The following MCHR2 variants were observed in gnomAD, a reference collection of about 807,000 sequenced individuals.
The protein encoded by MCHR2 is melanin concentrating hormone receptor 2.
In MCHR2, 15 loss-of-function variants were observed where a neutral mutation model predicts 24.8. The ratio of observed to expected loss-of-function variants is 0.60; its 90% CI spans 0.40 to 0.93. MCHR2 has a LOEUF of 0.93. Among genes scored for constraint, MCHR2 ranks in the 40% least tolerant of loss-of-function variants. The pLI is 0.00. For synonymous variants in MCHR2, 151 were observed against 147.6 expected (o/e 1.02, Z -0.17); for missense variants, 386 against 408.7 (o/e 0.94, Z 0.48).
intron 1 of MCHR2, among the ~76,000 whole-genome samples, chr6:99,959,176 A>G (rs1258893020): frequency 6.6e-6 from 1 of 152,140 alleles, no homozygotes; most frequent in African/African-American, 2.4e-5. Context: ...CTGGGAACAA[A>G]AAGAGTCAGA....
At chr6:99,929,428 G>T (rs1774451469) in intron 5 of MCHR2, among the ~76,000 whole-genome samples, 2 of 152,148 alleles carry the variant, frequency 1.3e-5, no homozygotes, top group Non-Finnish European at 1.5e-5. Flanking sequence ...GTCTAATGTT[G>T]ACAGTAGGGT....
At chr6:99,944,281 A>C (rs1187832687) in intron 3 of MCHR2, among the ~76,000 whole-genome samples, 1 of 152,192 alleles carries the variant, frequency 6.6e-6, no homozygotes, top group East Asian at 1.9e-4. Flanking sequence ...TCAGAGCAAA[A>C]TGAAAGCTGA....
rs149229904 is a variant in MCHR2 at position 99,939,447 on chromosome 6, G to T, written c.587+3502C>A. Among the ~76,000 whole-genome samples the T allele has an allele frequency of 4.4e-3, 670 of 151,934 alleles. 9 individuals carry two copies. Among genetic ancestry groups the T allele is most frequent in the African/African-American group, 0.015 (643 of 41,488 alleles). ...TTATCTTACATCAAAGAAAAAAGTG[G>T]AAAAAAATCTACATTTTAACTCCAT... is the stretch of plus-strand genomic sequence containing the variant. On this transcript the variant is annotated intron_variant, in intron 4 of 5. Coordinates refer to ENST00000281806, the MANE Select transcript of MCHR2 (RefSeq NM_001040179.2).
chr6:99,957,449 T>G (rs1775087169), intron 1 of MCHR2, among the ~76,000 whole-genome samples: 1 of 152,162 alleles, frequency 6.6e-6, no homozygotes, highest in South Asian at 2.1e-4. Flanking sequence ...TCATGTTACT[T>G]TGATAATTGA....
At chr6:99,925,242 A>G (rs1012760917) in intron 5 of MCHR2, among the ~76,000 whole-genome samples, 1 of 151,416 alleles carries the variant, frequency 6.6e-6, no homozygotes, top group African/African-American at 2.4e-5. Flanking sequence ...TTCCATTGGT[A>G]TGGTGTATGT....
In MCHR2 at chr6:99,963,142, A is replaced by G. The variant is rs549287440; in HGVS notation, c.-27-6968T>C. Among the ~76,000 whole-genome samples, 12 of 152,196 alleles carry G rather than the reference A, an allele frequency of 7.9e-5. No homozygotes were observed. In the South Asian group the frequency reaches 2.3e-3, roughly 29 times the overall value. ...AGTGGCAAAACAAAAAACCCAGAAA[A>G]CAAGTATTGAGGATGTGGAAAAGTT... On this transcript the variant is annotated intron_variant, in intron 1 of 5. Coordinates refer to ENST00000281806, the MANE Select transcript of MCHR2 (RefSeq NM_001040179.2).
At chr6:99,966,625 T>G (rs188493123) in intron 1 of MCHR2, among the ~76,000 whole-genome samples, 1 of 152,330 alleles carries the variant, frequency 6.6e-6, no homozygotes, top group African/African-American at 2.4e-5. Flanking sequence ...TACCATATTC[T>G]TATCTTTGTG....
intron 1 of MCHR2, among the ~76,000 whole-genome samples, chr6:99,972,945 G>A (rs986419536): frequency 1.3e-5 from 2 of 152,066 alleles, no homozygotes; most frequent in African/African-American, 2.4e-5. Context: ...TATAATTTCT[G>A]TTCTTTTACA....
At chr6:99,940,054 C>G (rs1158222618) in intron 4 of MCHR2, among the ~76,000 whole-genome samples, 2 of 151,400 alleles carry the variant, frequency 1.3e-5, no homozygotes, top group African/African-American at 4.9e-5. Flanking sequence ...TATTATATGC[C>G]TTGGGGTACA....
Position 99,920,917 on chromosome 6 carries a change from C to G in MCHR2, c.*23G>C, listed in dbSNP as rs1490041606. The G allele has an allele frequency of 2.5e-6, 4 of 1,604,964 alleles. No individual in the cohort carries two copies. In the Admixed American group the frequency reaches 5.0e-5, roughly 20 times the overall value. On this transcript the variant is annotated 3_prime_UTR_variant, in exon 6 of 6. Transcript: ENST00000281806. ...AGTAAGATAGACAATCATGTCTAGA[C>G]TCATGGTGATCCATGTACTTTCCTA...
At chr6:99,974,039 T>C (rs1483716321) in intron 1 of MCHR2, among the ~76,000 whole-genome samples, 1 of 152,212 alleles carries the variant, frequency 6.6e-6, no homozygotes, top group African/African-American at 2.4e-5. Flanking sequence ...TTATGTGTCT[T>C]GGAGTTGCTC....
intron 2 of MCHR2, 37 bp from the exon 3 acceptor site, chr6:99,948,008 A>G (rs1774904546): frequency 6.4e-7 from 1 of 1,562,902 alleles, no homozygotes; most frequent in Admixed American, 1.7e-5. Context: ...TTGACATTGA[A>G]TGTATACAGA....
intron 1 of MCHR2, among the ~76,000 whole-genome samples, chr6:99,991,133 G>A (rs2001456): frequency 0.21 from 31,991 of 151,612 alleles, 3,737 homozygotes; most frequent in South Asian, 0.42. Context: ...GAGAAGGTGC[G>A]GGCATGGAGA....
At position 99,919,177 on chromosome 6, in the gene MCHR2, T is replaced by G. The variant is rs908783456; in HGVS notation, c.*1763A>C. Among the ~76,000 whole-genome samples the G allele has an allele frequency of 6.6e-6, 1 of 151,744 alleles. No individual in the cohort carries two copies. Among genetic ancestry groups the G allele is most frequent in the African/African-American group, 2.4e-5 (1 of 41,444 alleles). The stretch of plus-strand genomic sequence containing the variant: ...GAGCATCCAGCTGCATATGTAGGTC[T>G]CTAGACCTCAGCTATGGAAATAAAA... On this transcript the variant is annotated 3_prime_UTR_variant, in exon 6 of 6. Transcript: ENST00000281806.
At chr6:99,969,924 G>T (rs1256546420) in intron 1 of MCHR2, among the ~76,000 whole-genome samples, 1 of 148,300 alleles carries the variant, frequency 6.7e-6, no homozygotes, top group Non-Finnish European at 1.5e-5. Context: ...GTATTCCATG[G>T]TGTATATGTG....
intron 1 of MCHR2, among the ~76,000 whole-genome samples, chr6:99,964,939 C>A (rs376221956): frequency 6.6e-6 from 1 of 151,830 alleles, no homozygotes; most frequent in Non-Finnish European, 1.5e-5. Flanking sequence ...CAAGGCAAAA[C>A]GAATCTATAT....
At chr6:99,982,592 T>C (rs1775692648) in intron 1 of MCHR2, among the ~76,000 whole-genome samples, 1 of 151,216 alleles carries the variant, frequency 6.6e-6, no homozygotes, top group Non-Finnish European at 1.5e-5. Flanking sequence ...TGAGCTGAGA[T>C]TGCACCACTG....
At chr6:99,973,868 A>C (rs1233793174) in intron 1 of MCHR2, among the ~76,000 whole-genome samples, 2 of 152,170 alleles carry the variant, frequency 1.3e-5, no homozygotes, top group African/African-American at 4.8e-5. Flanking sequence ...TTCTTTCTTT[A>C]AGAATGTTAA....
chr6:99,928,299 T>G (rs149928239), intron 5 of MCHR2, among the ~76,000 whole-genome samples: 4,703 of 152,278 alleles, frequency 0.031, 208 homozygotes, highest in East Asian at 0.12. Flanking sequence ...TACAATTCTC[T>G]TTTTTGGTTG....
Sources: gnomAD v4.1 joint callset for allele counts (sites outside exome capture counted in the v4.1 genomes callset) on GRCh38, gnomAD v4.1.1 for gene constraint, MANE v1.5 for transcripts, NCBI Gene and HGNC (gene_info 2026-07-23, HGNC 2026-07-21) for gene names.